Variants in PDE1A observed in about 807,000 individuals in gnomAD.
PDE1A encodes the protein dual specificity calcium/calmodulin-dependent 3',5'-cyclic nucleotide phosphodiesterase 1A.
A neutral mutation model predicts 61.7 loss-of-function variants in PDE1A; 35 were observed. That is an observed-to-expected ratio of 0.57 (90% CI 0.43 to 0.75). PDE1A has a LOEUF of 0.75. PDE1A is among the 30% of genes least tolerant of loss of function. The pLI is 0.00. For missense variants in PDE1A, 597 were observed against 630.6 expected (o/e 0.95, Z 0.57); for synonymous variants, 232 against 213.2 (o/e 1.09, Z -0.77).
the PDE1A span, among the ~76,000 whole-genome samples, chr2:182,575,115 C>A: frequency 6.6e-6 from 1 of 152,196 alleles, no homozygotes; most frequent in Non-Finnish European, 1.5e-5. Flanking sequence ...GCAAGCACCT[C>A]AGCAGGTCAT....
At chr2:182,636,560 C>A in the PDE1A span, among the ~76,000 whole-genome samples, 3 of 152,114 alleles carry the variant, frequency 2.0e-5, no homozygotes, top group African/African-American at 4.8e-5. Flanking sequence ...CCATTTAGCA[C>A]GATTTTTATT....
intron 1 of PDE1A, among the ~76,000 whole-genome samples, chr2:182,343,534 A>G (rs1698330772): frequency 6.6e-6 from 1 of 152,206 alleles, no homozygotes; most frequent in African/African-American, 2.4e-5. Context: ...ATTTGTCATT[A>G]AAATTGCTCC....
chr2:182,670,134 A>G, the PDE1A span, among the ~76,000 whole-genome samples: 4 of 152,198 alleles, frequency 2.6e-5, no homozygotes, highest in Admixed American at 2.6e-4. Context: ...TTCCCTGTAT[A>G]TAAGTGCCCA....
chr2:182,435,410 CAG>C (rs1486108204), intron 2 of PDE1A, among the ~76,000 whole-genome samples: 1 of 151,936 alleles, frequency 6.6e-6, no homozygotes, highest in African/African-American at 2.4e-5. Context: ...GAAGAGCAAG[CAG>C]AGTGTTTCAT....
At chr2:182,317,629 T>G (rs1046517752) in intron 1 of PDE1A, among the ~76,000 whole-genome samples, 1 of 151,916 alleles carries the variant, frequency 6.6e-6, no homozygotes, top group Non-Finnish European at 1.5e-5. Context: ...CCTGAAGGTA[T>G]GCAAGAGCAG....
At chr2:182,679,730 T>G in the PDE1A span, among the ~76,000 whole-genome samples, 1 of 152,232 alleles carries the variant, frequency 6.6e-6, no homozygotes, top group South Asian at 2.1e-4. Context: ...GCAGACTCAG[T>G]ATCACAAAGA....
intron 1 of PDE1A, among the ~76,000 whole-genome samples, chr2:182,361,863 A>T (rs1699531556): frequency 6.6e-6 from 1 of 151,996 alleles, no homozygotes; most frequent in Non-Finnish European, 1.5e-5. Context: ...TGACTTTTCT[A>T]GATCCAGGGA....
intron 1 of PDE1A, among the ~76,000 whole-genome samples, chr2:182,359,643 A>G (rs1460965021): frequency 2.0e-5 from 3 of 152,266 alleles, no homozygotes; most frequent in East Asian, 1.9e-4. Context: ...ACATCAGTAT[A>G]GTAAATGAGT....
chr2:182,258,093 G>A (rs1691957858), intron 2 of PDE1A, among the ~76,000 whole-genome samples: 1 of 151,892 alleles, frequency 6.6e-6, no homozygotes, highest in Admixed American at 6.6e-5. Flanking sequence ...GCATGAACCC[G>A]GGAGGTGGAG....
rs933671446 is a variant in PDE1A at position 182,255,990 on chromosome 2, A to C, written c.167+8311T>G. Among the ~76,000 whole-genome samples the C allele has an allele frequency of 1.9e-4, 28 of 145,898 alleles. 1 individual carries two copies. The highest frequency in any genetic ancestry group is 3.0e-5 in the Non-Finnish European group (2 of 67,024). On this transcript the variant is annotated intron_variant, in intron 2 of 13. Coordinates refer to ENST00000351439, the Ensembl canonical transcript of PDE1A. ...CCTGGCCACATCAACATTTTCAACC[A>C]ATGTTTGGCTATTTCTCTCTTCCTA...
chr2:182,356,116 A>G (rs966793570), intron 1 of PDE1A, among the ~76,000 whole-genome samples: 2 of 152,192 alleles, frequency 1.3e-5, no homozygotes, highest in Non-Finnish European at 2.9e-5. Flanking sequence ...ACCAAAATGA[A>G]AAGATGTTTT....
chr2:182,372,356 A>G lies in PDE1A; in HGVS notation c.53+54222T>C, dbSNP rs534404865. ...ATGTTAGGTGTATAGCATAAATTCA[A>G]TAACTGTTTGATAAATAAAATGATA... On this transcript the variant is annotated intron_variant, in intron 1 of 13. Coordinates refer to ENST00000351439, the Ensembl canonical transcript of PDE1A. 5.3e-5 allele frequency among the ~76,000 whole-genome samples: 8 copies of G among 152,368 alleles called. No homozygotes were observed. The East Asian group carries it at 1.2e-3, about 22-fold the overall frequency.
the PDE1A span, among the ~76,000 whole-genome samples, chr2:182,655,631 A>G: frequency 6.6e-6 from 1 of 152,182 alleles, no homozygotes; most frequent in Non-Finnish European, 1.5e-5. Context: ...GAAAACATGC[A>G]TTATTTTGCA....
intron 7 of PDE1A, among the ~76,000 whole-genome samples, chr2:182,211,375 T>A (rs1687583531): frequency 6.6e-6 from 1 of 152,236 alleles, no homozygotes; most frequent in African/African-American, 2.4e-5. Context: ...CATTGATCTA[T>A]TTGTCTGTCC....
the PDE1A span, among the ~76,000 whole-genome samples, chr2:182,612,957 T>G: frequency 6.6e-6 from 1 of 152,228 alleles, no homozygotes; most frequent in Non-Finnish European, 1.5e-5. Context: ...TTCATGAGTC[T>G]TTTGAATATG....
chr2:182,554,931 A>T, the PDE1A span, among the ~76,000 whole-genome samples: 19 of 152,348 alleles, frequency 1.2e-4, no homozygotes, highest in South Asian at 3.5e-3. Flanking sequence ...GCACAATCTC[A>T]TCGATATCTT....
At chr2:182,321,885 C>A (rs1425013653) in intron 1 of PDE1A, among the ~76,000 whole-genome samples, 1 of 152,078 alleles carries the variant, frequency 6.6e-6, no homozygotes, top group Non-Finnish European at 1.5e-5. Flanking sequence ...GGCTAGGAAG[C>A]AATTTATAAA....
At chr2:182,348,266 T>A (rs1293098342) in intron 1 of PDE1A, among the ~76,000 whole-genome samples, 1 of 152,156 alleles carries the variant, frequency 6.6e-6, no homozygotes, top group Non-Finnish European at 1.5e-5. Flanking sequence ...CCATTTTGTG[T>A]ATGTTGCCAG....
intron 1 of PDE1A, among the ~76,000 whole-genome samples, chr2:182,382,661 T>C (rs961384753): frequency 6.6e-6 from 1 of 151,724 alleles, no homozygotes; most frequent in Non-Finnish European, 1.5e-5. Context: ...AAAACTAATA[T>C]AGCATCTGAA....
Sources: gnomAD v4.1 joint callset for allele counts (sites outside exome capture counted in the v4.1 genomes callset) on GRCh38, gnomAD v4.1.1 for gene constraint, MANE v1.5 for transcripts, NCBI Gene and HGNC (gene_info 2026-07-23, HGNC 2026-07-21) for gene names.